The following THSD4 variants were observed in gnomAD, a reference collection of about 807,000 sequenced individuals.
THSD4 encodes the protein thrombospondin type 1 domain containing 4.
In THSD4, 69 loss-of-function variants were observed where a neutral mutation model predicts 119.0. The observed-to-expected ratio is 0.58, with a 90% CI of 0.48 to 0.71. The LOEUF (loss-of-function observed/expected upper bound fraction) is 0.71, where lower values mean the gene tolerates loss of function less well. Among genes scored for constraint, THSD4 ranks in the 30% least tolerant of loss-of-function variants. The probability of loss-of-function intolerance (pLI) is 0.00; values close to 1 mark genes in which losing one functional copy is unlikely to be tolerated. For missense variants in THSD4, 1,393 were observed against 1,391.1 expected, an observed-to-expected ratio of 1.00 and a Z score of -0.02; for synonymous variants, 524 against 540.4, an observed-to-expected ratio of 0.97 and a Z score of 0.42.
chr15:71,557,406 A>AAT (rs1567035462), intron 7 of THSD4, among the ~76,000 whole-genome samples: 1 of 152,102 alleles, frequency 6.6e-6, no homozygotes, highest in East Asian at 1.9e-4. Flanking sequence ...TCTTTAAAAA[A>AAT]ATATATATTT....
At chr15:71,347,786 A>C (rs991915213) in intron 6 of THSD4, among the ~76,000 whole-genome samples, 3 of 152,036 alleles carry the variant, frequency 2.0e-5, no homozygotes, top group African/African-American at 7.2e-5. Flanking sequence ...GAACATTTCC[A>C]TCATCACAGA....
At chr15:71,661,737 A>G (rs962246922) in intron 8 of THSD4, among the ~76,000 whole-genome samples, 12 of 152,182 alleles carry the variant, frequency 7.9e-5, no homozygotes, top group African/African-American at 2.7e-4. Context: ...AGATGTAAGC[A>G]TGTTTAAATC....
chr15:71,259,975 C>G (rs1018504607), intron 6 of THSD4, among the ~76,000 whole-genome samples: 1 of 152,136 alleles, frequency 6.6e-6, no homozygotes, highest in Non-Finnish European at 1.5e-5. Flanking sequence ...AAGATGAATT[C>G]CACACTACAC....
At chr15:71,438,602 A>G (rs768250020) in intron 7 of THSD4, among the ~76,000 whole-genome samples, 21 of 152,222 alleles carry the variant, frequency 1.4e-4, no homozygotes, top group Admixed American at 8.5e-4. Context: ...TAATTACCCA[A>G]TTACCTAAAC....
intron 6 of THSD4, among the ~76,000 whole-genome samples, chr15:71,306,786 A>G (rs1283451664): frequency 6.6e-6 from 1 of 152,232 alleles, no homozygotes; most frequent in Non-Finnish European, 1.5e-5. Flanking sequence ...ACCCCAAAAC[A>G]TAAAATTGCT....
chr15:71,150,952 A>C (rs2040716270), intron 2 of THSD4, among the ~76,000 whole-genome samples: 1 of 152,330 alleles, frequency 6.6e-6, no homozygotes, highest in African/African-American at 2.4e-5. Flanking sequence ...GCTGGGGAAT[A>C]AAGTAGTGAC....
Position 71,777,691 on chromosome 15 carries a change from G to C in THSD4, c.*317G>C. 3.0e-6 allele frequency: 1 copy of C among 336,548 alleles called. No individual in the cohort carries two copies. Among genetic ancestry groups the C allele is most frequent in the Admixed American group, 3.9e-5 (1 of 25,612 alleles). The allele number at this position is 336,548 out of a possible 1,614,324, so 20.8% of individuals were successfully genotyped here. On this transcript the variant is annotated 3_prime_UTR_variant, in exon 18 of 18. Transcript: ENST00000261862. ...GGAGCTCTCAGCCCTGCTCCCATCT[G>C]GCACCTTCAAGTCAGCAGATGGGCC...
intron 7 of THSD4, among the ~76,000 whole-genome samples, chr15:71,583,850 A>G (rs781430182): frequency 6.6e-6 from 1 of 152,174 alleles, no homozygotes; most frequent in Admixed American, 6.5e-5. Flanking sequence ...AAAAGATTCT[A>G]TGTGCTCTTG....
chr15:71,211,813 T>C (rs1364440273), intron 3 of THSD4, among the ~76,000 whole-genome samples: 1 of 152,208 alleles, frequency 6.6e-6, no homozygotes, highest in African/African-American at 2.4e-5. Context: ...TCAGTATGTA[T>C]TGGGGACGGA....
chr15:71,771,478 C>A (rs1008321653), intron 17 of THSD4, among the ~76,000 whole-genome samples: 2 of 152,092 alleles, frequency 1.3e-5, no homozygotes, highest in African/African-American at 4.8e-5. Flanking sequence ...TTGGCTCTAT[C>A]GTCCTTAAGG....
Position 71,779,846 on chromosome 15 carries a change from C to CTT in THSD4, c.*2482_*2483dup, listed in dbSNP as rs35613239. On this transcript the variant is annotated 3_prime_UTR_variant, in exon 18 of 18. Coordinates refer to ENST00000261862, the MANE Select transcript of THSD4 (RefSeq NM_024817.3). ...GAGAAAGTGCATAAACCAGGGGTCT[C>CTT]TTTTTTTTTTTCAACAAACCATTGA... is the stretch of plus-strand genomic sequence containing the variant. The CTT allele has an allele frequency of 0.9, 133,776 of 148,948 alleles. 60,365 individuals are homozygous for CTT. Among genetic ancestry groups the CTT allele is most frequent in the Non-Finnish European group, 0.94 (63,592 of 67,306 alleles). The allele number at this position is 148,948 out of a possible 1,614,324, so 9.2% of individuals were successfully genotyped here. A position where few individuals can be genotyped will look rare whatever the true frequency, so the allele number is the denominator to read the frequency against.
chr15:71,275,089 A>G (rs989922225), intron 6 of THSD4, among the ~76,000 whole-genome samples: 3 of 151,932 alleles, frequency 2.0e-5, no homozygotes, highest in African/African-American at 7.3e-5. Flanking sequence ...TAGTGTTCCT[A>G]CTCAACAGAT....
intron 6 of THSD4, among the ~76,000 whole-genome samples, chr15:71,289,083 T>C (rs1013925839): frequency 6.6e-6 from 1 of 152,198 alleles, no homozygotes; most frequent in Admixed American, 6.5e-5. Flanking sequence ...CTGTGCTGCC[T>C]CAGGTCCTCT....
At chr15:71,389,096 A>T (rs1347049857) in intron 6 of THSD4, among the ~76,000 whole-genome samples, 5 of 152,162 alleles carry the variant, frequency 3.3e-5, no homozygotes, top group Non-Finnish European at 7.3e-5. Context: ...AACTGAGTCC[A>T]TTAAACCTCT....
At chr15:71,302,125 AG>A (rs2044958741) in intron 6 of THSD4, among the ~76,000 whole-genome samples, 1 of 152,192 alleles carries the variant, frequency 6.6e-6, no homozygotes, top group Non-Finnish European at 1.5e-5. Flanking sequence ...CACATGTAAG[AG>A]GTGAGCTGCC....
chr15:71,688,158 A>G (rs2051958214), intron 8 of THSD4, among the ~76,000 whole-genome samples: 1 of 152,240 alleles, frequency 6.6e-6, no homozygotes. Context: ...TCTGCATGCA[A>G]TAAAGCATTT....
intron 7 of THSD4, among the ~76,000 whole-genome samples, chr15:71,560,970 CTTT>C (rs11292320): frequency 0.032 from 3,979 of 123,992 alleles, 203 homozygotes; most frequent in African/African-American, 0.084. Flanking sequence ...TTCTCTTTAT[CTTT>C]TTTTTTTTTT....
chr15:71,709,246 T>G (rs1479244415), intron 8 of THSD4, among the ~76,000 whole-genome samples: 1 of 152,178 alleles, frequency 6.6e-6, no homozygotes, highest in Non-Finnish European at 1.5e-5. Context: ...TAAGGGTGAA[T>G]TGCCTACAGG....
Position 71,138,974 on chromosome 15 carries a change from T to C in THSD4, c.-79-2475T>C, listed in dbSNP as rs1455621594. 2.3e-3 allele frequency among the ~76,000 whole-genome samples: 317 copies of C among 139,172 alleles called. 2 individuals carry two copies. Among genetic ancestry groups the C allele is most frequent in the African/African-American group, 8.5e-3 (298 of 35,068 alleles). 91.3% of individuals were successfully genotyped at this position (139,172 alleles called of 152,430 possible). ...ATGAGGTAGTTACAAACAGTATCCC[T>C]CCCCCCCCCATTTTACAGATGAAGA... On this transcript the variant is annotated intron_variant, in intron 1 of 17. Coordinates refer to ENST00000261862, the MANE Select transcript of THSD4 (RefSeq NM_024817.3).
Sources: allele counts gnomAD v4.1 joint callset (sites outside exome capture counted in the v4.1 genomes callset), GRCh38; gene constraint gnomAD v4.1.1; transcripts MANE v1.5; gene names NCBI Gene and HGNC (gene_info 2026-07-23, HGNC 2026-07-21).